ATP6V0D2: variants seen among roughly 807,000 people sequenced by gnomAD.
ATP6V0D2 encodes the protein V-type proton ATPase subunit d 2.
Under a neutral mutation model 40.0 loss-of-function variants are expected in ATP6V0D2, and 40 were observed. The ratio of observed to expected loss-of-function variants is 1.00; its 90% CI spans 0.78 to 1.30. ATP6V0D2 has a LOEUF of 1.30. Ranked by LOEUF, ATP6V0D2 falls within the 50% of genes most tolerant of loss-of-function variation. ATP6V0D2 has a pLI of 0.00. For missense variants in ATP6V0D2, 470 were observed against 423.1 expected (o/e 1.11, Z -0.97); for synonymous variants, 179 against 156.3 (o/e 1.15, Z -1.08).
intron 2 of ATP6V0D2, among the ~76,000 whole-genome samples, chr8:86,122,088 A>G (rs13260768): frequency 0.62 from 94,747 of 151,994 alleles, 30,402 homozygotes; most frequent in Non-Finnish European, 0.71. Flanking sequence ...ATTTAATATA[A>G]GCCTTGGTTG....
At chr8:86,140,916 G>T (rs1287184304) in intron 3 of ATP6V0D2, among the ~76,000 whole-genome samples, 1 of 152,158 alleles carries the variant, frequency 6.6e-6, no homozygotes, top group East Asian at 1.9e-4. Context: ...TGAGAGCCCT[G>T]AGCTTGTTTT....
intron 7 of ATP6V0D2, among the ~76,000 whole-genome samples, chr8:86,151,879 T>C (rs1751378618): frequency 6.6e-6 from 1 of 152,020 alleles, no homozygotes; most frequent in Admixed American, 6.6e-5. Flanking sequence ...CTACAAATTT[T>C]AGTGTAAAAT....
Position 86,139,460 on chromosome 8 carries a change from C to A in ATP6V0D2, c.306C>A (p.Cys102Ter). The change falls in exon 3 of 8, where the codon TGC becomes TGA. Residue 102 changes from cysteine to a stop codon, truncating the protein, a stop_gained. Coordinates refer to ENST00000285393, the MANE Select transcript of ATP6V0D2 (RefSeq NM_152565.1). LOFTEE classifies it high-confidence loss of function. ...ATTGAGTTGTCTTCTGAACCAGGTG[C>A]AGTTATATGATAGACAATGTGATTC... is the stretch of plus-strand genomic sequence containing the variant. ...PLSTFLTYMT[C>*]SYMIDNVILL... The A allele has an allele frequency of 6.2e-7, 1 of 1,602,190 alleles. No individual in the cohort carries two copies. Among genetic ancestry groups the A allele is most frequent in the Non-Finnish European group, 8.5e-7 (1 of 1,175,336 alleles).
At chr8:86,150,708 A>C (rs1175233269) in intron 6 of ATP6V0D2, among the ~76,000 whole-genome samples, 1 of 152,196 alleles carries the variant, frequency 6.6e-6, no homozygotes, top group Non-Finnish European at 1.5e-5. Flanking sequence ...GGCAAGGAAC[A>C]ATATGGATGT....
intron 1 of ATP6V0D2, among the ~76,000 whole-genome samples, chr8:86,111,845 T>A (rs1818530979): frequency 6.6e-6 from 1 of 152,190 alleles, no homozygotes; most frequent in Admixed American, 6.5e-5. Flanking sequence ...TGGATCTGGG[T>A]CTCATTTTCT....
chr8:86,130,852 AC>A (rs916426828), intron 2 of ATP6V0D2, among the ~76,000 whole-genome samples: 6 of 150,846 alleles, frequency 4.0e-5, no homozygotes, highest in African/African-American at 1.5e-4. Context: ...GGCCATAACG[AC>A]CCCCCACCCC....
At chr8:86,131,625 C>G (rs1049230203) in intron 2 of ATP6V0D2, among the ~76,000 whole-genome samples, 1 of 151,988 alleles carries the variant, frequency 6.6e-6, no homozygotes, top group East Asian at 1.9e-4. Context: ...CTCAGCCTCC[C>G]GAGTAGCTGG....
At chr8:86,106,039 T>C (rs1013173063) in intron 1 of ATP6V0D2, among the ~76,000 whole-genome samples, 3 of 152,164 alleles carry the variant, frequency 2.0e-5, no homozygotes, top group Non-Finnish European at 4.4e-5. Flanking sequence ...ATCTACATAT[T>C]GGGTTCAAGT....
At chr8:86,141,632 T>G in intron 4 of ATP6V0D2, 103 bp downstream of exon 4, 2 of 765,368 alleles carry the variant, frequency 2.6e-6, no homozygotes, top group Admixed American at 5.8e-5. Context: ...CTTCTGCAAT[T>G]ATGAAACTGT....
intron 1 of ATP6V0D2, among the ~76,000 whole-genome samples, chr8:86,108,365 C>G (rs1426649540): frequency 6.6e-6 from 1 of 152,118 alleles, no homozygotes; most frequent in African/African-American, 2.4e-5. Context: ...TAGTCTGAAA[C>G]TCCTGGCCTC....
At chr8:86,131,732 C>T (rs1818827699) in intron 2 of ATP6V0D2, among the ~76,000 whole-genome samples, 1 of 151,148 alleles carries the variant, frequency 6.6e-6, no homozygotes, top group Non-Finnish European at 1.5e-5. Flanking sequence ...AACTCCTGAC[C>T]TCCGGTGATT....
At chr8:86,137,868 T>C (rs1818918675) in intron 2 of ATP6V0D2, among the ~76,000 whole-genome samples, 1 of 152,206 alleles carries the variant, frequency 6.6e-6, no homozygotes, top group Admixed American at 6.5e-5. Flanking sequence ...GTTTCTCGTC[T>C]ATAAAATGGA....
intron 2 of ATP6V0D2, among the ~76,000 whole-genome samples, chr8:86,120,237 G>A (rs1373232989): frequency 6.6e-6 from 1 of 151,884 alleles, no homozygotes; most frequent in Non-Finnish European, 1.5e-5. Flanking sequence ...CTCTACAAGA[G>A]AAAAAATTTA....
chr8:86,118,896 T>C (rs756628900), intron 2 of ATP6V0D2, among the ~76,000 whole-genome samples: 1 of 152,196 alleles, frequency 6.6e-6, no homozygotes, highest in Non-Finnish European at 1.5e-5. Flanking sequence ...ACCTAGAACT[T>C]AAGTGCAATA....
chr8:86,145,362 G>A (rs1210427710), intron 5 of ATP6V0D2, among the ~76,000 whole-genome samples: 14 of 91,788 alleles, frequency 1.5e-4, no homozygotes, highest in African/African-American at 6.1e-4. Context: ...AGGAAGGAAG[G>A]AAGGAAGGAA....
chr8:86,150,206 G>A lies in ATP6V0D2; in HGVS notation c.734G>A (p.Gly245Asp). 2 of 1,613,162 alleles carry A rather than the reference G, an allele frequency of 1.2e-6. No homozygotes were observed. Among genetic ancestry groups the A allele is most frequent in the Middle Eastern group, 1.7e-4 (1 of 6,056 alleles). Residue 245 changes from glycine to aspartate, a missense_variant, in exon 6 of 8, where the codon GGC (glycine) becomes GAC (aspartate). By Grantham distance (94) the Gly-to-Asp change is moderately conservative. Transcript: ENST00000285393. ...EDRETLYPTF[G>D]KLYPEGLRLL... ...CGAGAGACCCTCTATCCAACCTTCGGCAAACTCTATCCTGAGGGGTTGCGG... is the reference window on the plus strand; with the variant it reads ...CGAGAGACCCTCTATCCAACCTTCGACAAACTCTATCCTGAGGGGTTGCGG...
chr8:86,151,358 T>C, intron 6 of ATP6V0D2, 108 bp from the exon 7 acceptor site: 1 of 791,754 alleles, frequency 1.3e-6, no homozygotes, highest in Non-Finnish European at 1.9e-6. Flanking sequence ...GTCCTCCTGG[T>C]ATTTTTTTTT....
chr8:86,115,470 G>C (rs1340148316), intron 2 of ATP6V0D2, among the ~76,000 whole-genome samples: 1 of 140,130 alleles, frequency 7.1e-6, no homozygotes, highest in Non-Finnish European at 1.5e-5. Context: ...CGTGGTTCAA[G>C]AGATTTTCCT....
At chr8:86,133,109 T>G (rs1818848703) in intron 2 of ATP6V0D2, among the ~76,000 whole-genome samples, 1 of 152,122 alleles carries the variant, frequency 6.6e-6, no homozygotes, top group Non-Finnish European at 1.5e-5. Flanking sequence ...AGAAGAAGAC[T>G]GATTGGCTAA....
Sources: allele counts gnomAD v4.1 joint callset (sites outside exome capture counted in the v4.1 genomes callset), GRCh38; gene constraint gnomAD v4.1.1; transcripts MANE v1.5; gene names NCBI Gene and HGNC (gene_info 2026-07-23, HGNC 2026-07-21).